The following GPN1 variants were observed in gnomAD, a reference collection of about 807,000 sequenced individuals.
GPN1 encodes GPN-loop GTPase 1, also known as ATP(GTP)-binding protein.
GPN1 carries 44 observed loss-of-function variants against 55.9 expected under a neutral mutation model. The observed-to-expected ratio is 0.79, with a 90% CI of 0.62 to 1.01. The LOEUF is 1.01. Ranked by LOEUF, GPN1 falls within the 50% of genes least tolerant of loss-of-function variation. The pLI, the probability that GPN1 is intolerant of heterozygous loss-of-function variation, is 0.00. For synonymous variants in GPN1, 179 were observed against 162.5 expected (o/e 1.10, Z -0.77); for missense variants, 466 against 462.8 (o/e 1.01, Z -0.06).
intron 11 of GPN1, 67 bp downstream of exon 11, chr2:27,641,346 C>A: frequency 9.0e-7 from 1 of 1,109,644 alleles, no homozygotes; most frequent in Non-Finnish European, 1.4e-6. Context: ...ATCTTGATGA[C>A]ATAAGTGCTT....
intron 10 of GPN1, 133 bp downstream of exon 10, chr2:27,640,258 A>C (rs1278881081): frequency 1.4e-6 from 1 of 703,106 alleles, no homozygotes; most frequent in African/African-American, 1.8e-5. Flanking sequence ...TGTGTATTGA[A>C]TCAGACCACA....
rs1040483781 is a variant in GPN1, at chr2:27,642,668, G to C, written c.931+149G>C. ...AACCTCCACCTCCCAGGTTCAAGCA[G>C]TTCTCCTGCCTCAGCCTTCCTGAGT... On this transcript the variant is annotated intron_variant, in intron 12 of 13. Coordinates refer to ENST00000610189, the MANE Select transcript of GPN1 (RefSeq NM_007266.4). 7.1e-6 allele frequency: 4 copies of C among 567,316 alleles called. No individual in the cohort carries two copies. The African/African-American group carries it at 7.7e-5, about 11-fold the overall frequency. The allele number at this position is 567,316 out of a possible 1,614,324, so 35.1% of individuals were successfully genotyped here.
chr2:27,650,448 G>T lies in GPN1; in HGVS notation c.*248G>T. The T allele has an allele frequency of 3.7e-6, 1 of 268,324 alleles. No individual in the cohort carries two copies. The highest frequency in any genetic ancestry group is 7.2e-6 in the Non-Finnish European group (1 of 138,976). The allele number at this position is 268,324 out of a possible 1,614,324, so 16.6% of individuals were successfully genotyped here. A position where few individuals can be genotyped will look rare whatever the true frequency, so the allele number is the denominator to read the frequency against. Reference sequence around the variant, plus strand: ...GTATTTATGCAAGGAAGGATATACTGAGCTGATACTCTTCCAAGCCTACAA... The same window carrying T: ...GTATTTATGCAAGGAAGGATATACTTAGCTGATACTCTTCCAAGCCTACAA... On this transcript the variant is annotated 3_prime_UTR_variant, in exon 14 of 14. Coordinates refer to ENST00000610189, the MANE Select transcript of GPN1 (RefSeq NM_007266.4).
rs6718955 is a variant in GPN1 at position 27,642,458 on chromosome 2, A to G, written c.870A>G (p.Glu290=). The part of the protein sequence containing the change: ...LANAESQQQR[E]QLERLRKDMG... ...ACGCAGAGAGCCAACAGCAGAGAGA[A>G]CAACTGGAACGCCTTCGAAAAGATA... Residue 290 remains glutamate, a synonymous_variant, in exon 12 of 14, where the codon GAA becomes GAG. Coordinates refer to ENST00000610189, the MANE Select transcript of GPN1 (RefSeq NM_007266.4). The G allele has an allele frequency of 9.5e-3, 15,342 of 1,613,348 alleles. 1,204 individuals carry two copies. The African/African-American group carries it at 0.18, about 18-fold the overall frequency.
intron 10 of GPN1, 30 bp from the exon 11 acceptor site, chr2:27,641,210 A>G (rs757751758): frequency 6.5e-7 from 1 of 1,543,178 alleles, no homozygotes; most frequent in Admixed American, 1.7e-5. Context: ...GGATTAAGCA[A>G]AGGAATTTAG....
chr2:27,636,722 G>A (rs983185176), intron 7 of GPN1, among the ~76,000 whole-genome samples: 2 of 152,058 alleles, frequency 1.3e-5, no homozygotes, highest in African/African-American at 4.8e-5. Context: ...TGATCTGCCC[G>A]CCTTGGCCTC....
intron 11 of GPN1, 80 bp downstream of exon 11, chr2:27,641,359 G>A: frequency 1.0e-6 from 1 of 997,302 alleles, no homozygotes; most frequent in Non-Finnish European, 1.6e-6. Context: ...AAGTGCTTTT[G>A]TTTTGGTTAT....
At chr2:27,649,849 G>A (rs1180395152) in intron 13 of GPN1, among the ~76,000 whole-genome samples, 1 of 152,116 alleles carries the variant, frequency 6.6e-6, no homozygotes, top group Admixed American at 6.5e-5. Context: ...TTGTGTAGAC[G>A]TATGTTTTCA....
At chr2:27,636,058 T>A (rs1258615076) in intron 7 of GPN1, among the ~76,000 whole-genome samples, 1 of 151,848 alleles carries the variant, frequency 6.6e-6, no homozygotes, top group African/African-American at 2.4e-5. Context: ...CTACAAAATA[T>A]ACAAAAAATT....
At chr2:27,628,434 G>C, upstream of GPN1, 2 of 1,551,588 alleles carry the variant, frequency 1.3e-6, no homozygotes, top group Non-Finnish European at 8.7e-7. Context: ...CACGGCAACT[G>C]TGTAGTTCAC....
upstream of GPN1, chr2:27,628,965 G>C (rs539712561): frequency 1.0e-3 from 1,592 of 1,575,236 alleles, 2 homozygotes; most frequent in Non-Finnish European, 1.3e-3. Flanking sequence ...CCTTTCTGAC[G>C]CTGTGGTGGT....
rs372179324 is a variant in GPN1, at chr2:27,647,878, C to T, written c.974C>T (p.Thr325Ile). 47 of 1,613,570 alleles carry T rather than the reference C, an allele frequency of 2.9e-5. No individual in the cohort carries two copies. Among genetic ancestry groups the T allele is most frequent in the African/African-American group, 5.3e-5 (4 of 74,908 alleles). ...CTGCACCCTTCTGATTTGATCCTGACTCGAGGAACCTTGGATGAAGAGGAT... is the reference window on the plus strand; with the variant it reads ...CTGCACCCTTCTGATTTGATCCTGATTCGAGGAACCTTGGATGAAGAGGAT... ...PVLHPSDLIL[T>I]RGTLDEEDEE... The change falls in exon 13 of 14, where the codon ACT becomes ATT. Residue 325 changes from threonine (T) to isoleucine (I), a missense_variant. Thr to Ile is a moderately conservative substitution (Grantham distance 89). Coordinates refer to ENST00000610189, the MANE Select transcript of GPN1 (RefSeq NM_007266.4).
rs1264584209 is a variant in GPN1 at position 27,643,891 on chromosome 2, T to A, written c.931+1372T>A. Among the ~76,000 whole-genome samples, 2 of 152,132 alleles carry A rather than the reference T, an allele frequency of 1.3e-5. No homozygotes were observed. Among genetic ancestry groups the A allele is most frequent in the African/African-American group, 4.8e-5 (2 of 41,436 alleles). On this transcript the variant is annotated intron_variant, in intron 12 of 13. Transcript: ENST00000610189. This position sits in a 1 kb window ranked among gnomAD's most constrained non-coding sequence, Gnocchi z 4.0. The stretch of plus-strand genomic sequence containing the variant: ...CTACGTTTTTCATAAAGAATTACTA[T>A]TTTTAGGCCGGGCGCAGTGGCTCAC...
Position 27,643,953 on chromosome 2 carries a change from T to C in GPN1, c.931+1434T>C, listed in dbSNP as rs938114860. ...CAGCATTTTGGGAGGCCGAGGCGGG[T>C]GGATCACTTGAGGTCAGGAATTCGA... On this transcript the variant is annotated intron_variant, in intron 12 of 13. Coordinates refer to ENST00000610189, the MANE Select transcript of GPN1 (RefSeq NM_007266.4). This position sits in a 1 kb window ranked among gnomAD's most constrained non-coding sequence, Gnocchi z 4.0. 6.6e-6 allele frequency among the ~76,000 whole-genome samples: 1 copy of C among 151,826 alleles called. No individual in the cohort carries two copies. The highest frequency in any genetic ancestry group is 1.5e-5 in the Non-Finnish European group (1 of 67,868).
chr2:27,650,322 A>C lies in GPN1; in HGVS notation c.*122A>C. Reference sequence around the variant, plus strand: ...GGGATAATTTTCCTCAGAGTAGCAAAGTTTCTCTTATTAGAGAAATCTTGT... The same window carrying C: ...GGGATAATTTTCCTCAGAGTAGCAACGTTTCTCTTATTAGAGAAATCTTGT... On this transcript the variant is annotated 3_prime_UTR_variant, in exon 14 of 14. Transcript: ENST00000610189. The C allele has an allele frequency of 1.8e-6, 1 of 559,632 alleles. No individual in the cohort carries two copies. The highest frequency in any genetic ancestry group is 3.0e-5 in the East Asian group (1 of 33,318). The allele number at this position is 559,632 out of a possible 1,614,324, so 34.7% of individuals were successfully genotyped here.
chr2:27,629,093 C>T lies in GPN1; in HGVS notation c.35C>T (p.Ala12Val), dbSNP rs139878670. The change falls in exon 1 of 14, where the codon GCT (alanine) becomes GTT (valine). Residue 12 changes from alanine (A) to valine (V), a missense_variant. By Grantham distance (64) the Ala-to-Val change is moderately conservative (BLOSUM62 0). Transcript: ENST00000610189. The stretch of plus-strand genomic sequence containing the variant: ...TCCGCAGCTGCCGCTGAGCTCCAGG[C>T]TTCTGGGGGTCCGCGGCACCCAGTG... ...AASAAAAELQ[A>V]SGGPRHPVCL... is the part of the protein sequence containing the mutation. 77 of 1,614,104 alleles carry T rather than the reference C, an allele frequency of 4.8e-5. 1 individual carries two copies. The highest frequency in any genetic ancestry group is 6.0e-5 in the Non-Finnish European group (71 of 1,180,030).
intron 2 of GPN1, 112 bp downstream of exon 2, chr2:27,630,064 G>T (rs1003053872): frequency 1.5e-6 from 1 of 688,104 alleles, no homozygotes; most frequent in Non-Finnish European, 2.7e-6. Context: ...GAGGCAGGTA[G>T]ATCACGAGGT....
intron 12 of GPN1, among the ~76,000 whole-genome samples, chr2:27,646,586 T>C (rs1674245510): frequency 6.6e-6 from 1 of 152,212 alleles, no homozygotes; most frequent in East Asian, 1.9e-4. Flanking sequence ...CACCCCTGTA[T>C]ATTGAGGGAC....
intron 13 of GPN1, 119 bp downstream of exon 13, chr2:27,648,062 CA>C: frequency 1.5e-6 from 1 of 648,902 alleles, no homozygotes; most frequent in Non-Finnish European, 2.8e-6. Flanking sequence ...GATACAGCAC[CA>C]GAAAAGAGTT....
Sources: gnomAD v4.1 joint callset for allele counts (sites outside exome capture counted in the v4.1 genomes callset) on GRCh38, gnomAD v4.1.1 for gene constraint, Gnocchi (gnomAD v3.1) non-coding constraint, MANE v1.5 for transcripts, NCBI Gene and HGNC (gene_info 2026-07-23, HGNC 2026-07-21) for gene names.